The following LRP1B variants were observed in gnomAD, a reference collection of about 807,000 sequenced individuals.
The protein encoded by LRP1B is low-density lipoprotein receptor-related protein 1B.
In LRP1B, 217 loss-of-function variants were observed where a neutral mutation model predicts 556.6. That is an observed-to-expected ratio of 0.39 (90% CI 0.35 to 0.44). The LOEUF (loss-of-function observed/expected upper bound fraction) is 0.44. LRP1B is among the 20% of genes least tolerant of loss of function. The probability of loss-of-function intolerance (pLI) is 1.00; values close to 1 mark genes in which losing one functional copy is unlikely to be tolerated. For synonymous variants in LRP1B, 2,047 were observed against 1,865.8 expected (o/e 1.10, Z -2.50); for missense variants, 5,053 against 5,620.8 (o/e 0.90, Z 3.23).
At position 140,850,095 on chromosome 2, in the gene LRP1B, C is replaced by T; in HGVS notation, c.4939+7G>A. 5 of 1,560,408 alleles carry T rather than the reference C, an allele frequency of 3.2e-6. No individual in the cohort carries two copies. The highest frequency in any genetic ancestry group is 1.1e-5 in the South Asian group (1 of 89,252). On this transcript the variant is annotated splice_region_variant and intron_variant, in intron 29 of 90. Transcript: ENST00000389484. ...TTTTAAAGTTGTAACATGTACGAATCTTTTACCTCTTGAAATAACAGTTTC... is the reference window on the plus strand; with the variant it reads ...TTTTAAAGTTGTAACATGTACGAATTTTTTACCTCTTGAAATAACAGTTTC...
At chr2:140,324,268 TTAAAACA>T (rs1680329401) in intron 80 of LRP1B, among the ~76,000 whole-genome samples, 2 of 152,064 alleles carry the variant, frequency 1.3e-5, no homozygotes, top group African/African-American at 4.8e-5. Flanking sequence ...AACATGTTAC[TTAAAACA>T]TAAAAATACA....
At chr2:140,718,385 ACT>A (rs1345802422) in intron 35 of LRP1B, among the ~76,000 whole-genome samples, 1 of 151,864 alleles carries the variant, frequency 6.6e-6, no homozygotes, top group East Asian at 1.9e-4. Context: ...TTTTTTGTTC[ACT>A]TTTTTCTTCT....
At chr2:140,304,786 TA>T (rs1683993746) in intron 83 of LRP1B, among the ~76,000 whole-genome samples, 1 of 152,180 alleles carries the variant, frequency 6.6e-6, no homozygotes, top group African/African-American at 2.4e-5. Context: ...TTTATGGTTT[TA>T]GGTCTAACGT....
At chr2:140,974,957 C>T (rs112481156) in intron 18 of LRP1B, among the ~76,000 whole-genome samples, 6 of 152,256 alleles carry the variant, frequency 3.9e-5, no homozygotes, top group South Asian at 2.1e-4. Context: ...AGTGTTCTGG[C>T]CCTTTTACCT....
intron 3 of LRP1B, among the ~76,000 whole-genome samples, chr2:141,440,012 C>T (rs568678873): frequency 1.3e-5 from 2 of 152,294 alleles, no homozygotes; most frequent in East Asian, 1.9e-4. Context: ...TCATGCTAGG[C>T]ACGCACTATT....
chr2:140,927,876 A>ATTTATT (rs570731816), intron 20 of LRP1B, among the ~76,000 whole-genome samples: 2,177 of 151,182 alleles, frequency 0.014, 49 homozygotes, highest in African/African-American at 0.05. Context: ...CCGGCTATTC[A>ATTTATT]TTTATTTTTA....
At chr2:140,748,093 AT>A (rs1264434242) in intron 35 of LRP1B, among the ~76,000 whole-genome samples, 11 of 3,950 alleles carry the variant, frequency 2.8e-3, no homozygotes, top group African/African-American at 0.013. Context: ...AGTCCTATGA[AT>A]ATATATATAT....
In LRP1B at chr2:141,712,419, T is replaced by C. The variant is rs1230982993; in HGVS notation, c.205+97860A>G. ...AAGCCACAGACCTAGTTATTAATTA[T>C]ATAATGTATGATTATTCCAAGTATA... is the stretch of plus-strand genomic sequence containing the variant. On this transcript the variant is annotated intron_variant, in intron 2 of 90. Coordinates refer to ENST00000389484, the MANE Select transcript of LRP1B (RefSeq NM_018557.3). Among the ~76,000 whole-genome samples the C allele has an allele frequency of 2.6e-5, 4 of 152,128 alleles. No individual in the cohort carries two copies. The East Asian group carries it at 7.7e-4, about 29-fold the overall frequency.
intron 43 of LRP1B, among the ~76,000 whole-genome samples, chr2:140,562,833 C>G (rs1299930299): frequency 6.6e-6 from 1 of 152,056 alleles, no homozygotes; most frequent in Non-Finnish European, 1.5e-5. Flanking sequence ...CCAGGCTGGT[C>G]TCCAACTCCT....
chr2:141,110,524 T>G (rs1359839698), intron 7 of LRP1B, among the ~76,000 whole-genome samples: 1 of 152,048 alleles, frequency 6.6e-6, no homozygotes, highest in African/African-American at 2.4e-5. Flanking sequence ...TATATCTAAT[T>G]TAATAGGGAA....
At chr2:141,212,633 C>A (rs1005504270) in intron 6 of LRP1B, among the ~76,000 whole-genome samples, 2 of 151,686 alleles carry the variant, frequency 1.3e-5, no homozygotes, top group African/African-American at 4.8e-5. Context: ...CAGAAATAAC[C>A]CACTTTTGCT....
At chr2:140,642,094 T>C (rs146110833) in intron 41 of LRP1B, among the ~76,000 whole-genome samples, 1 of 152,266 alleles carries the variant, frequency 6.6e-6, no homozygotes, top group East Asian at 1.9e-4. Context: ...CTGGGGCTGG[T>C]GATAAGGGCT....
chr2:141,447,152 T>C (rs1349033644), intron 3 of LRP1B, among the ~76,000 whole-genome samples: 1 of 151,944 alleles, frequency 6.6e-6, no homozygotes, highest in Non-Finnish European at 1.5e-5. Flanking sequence ...ACACTTTATT[T>C]CATTAAGTTG....
intron 6 of LRP1B, among the ~76,000 whole-genome samples, chr2:141,192,226 C>T (rs1185877174): frequency 1.3e-5 from 2 of 151,834 alleles, no homozygotes; most frequent in African/African-American, 4.8e-5. Flanking sequence ...TACATAAATG[C>T]ATTAGATGGA....
intron 41 of LRP1B, among the ~76,000 whole-genome samples, chr2:140,653,886 G>A (rs2105325875): frequency 6.6e-6 from 1 of 151,702 alleles, no homozygotes; most frequent in South Asian, 2.1e-4. Flanking sequence ...TCAGCTGAAG[G>A]TGGTGGTGGG....
At position 141,269,582 on chromosome 2, in the gene LRP1B, G is replaced by A. The variant is rs149979108; in HGVS notation, c.344-14941C>T. On this transcript the variant is annotated intron_variant, in intron 3 of 90. Transcript: ENST00000389484. ...TTATACCCTCTAAGGGGTACATCAG[G>A]GACTGCATACTATGGGGAAATAGAT... Among the ~76,000 whole-genome samples the A allele has an allele frequency of 2.1e-3, 325 of 152,054 alleles. 1 individual carries two copies. Among genetic ancestry groups the A allele is most frequent in the African/African-American group, 7.2e-3 (300 of 41,470 alleles).
intron 2 of LRP1B, among the ~76,000 whole-genome samples, chr2:141,672,772 C>A (rs902411381): frequency 2.0e-5 from 3 of 152,154 alleles, no homozygotes; most frequent in African/African-American, 7.2e-5. Context: ...CTATGATGCA[C>A]TGTAAAAAAT....
chr2:141,420,385 C>T (rs1680093460), intron 3 of LRP1B, among the ~76,000 whole-genome samples: 1 of 152,212 alleles, frequency 6.6e-6, no homozygotes, highest in African/African-American at 2.4e-5. Context: ...AAGACCTTCA[C>T]CGTCAGCCCA....
chr2:140,315,384 C>T (rs572409941), intron 82 of LRP1B, among the ~76,000 whole-genome samples: 2 of 152,016 alleles, frequency 1.3e-5, no homozygotes, highest in South Asian at 4.1e-4. Flanking sequence ...CTAACTGAAA[C>T]TTTCTAAAAG....
Sources: allele counts gnomAD v4.1 joint callset (sites outside exome capture counted in the v4.1 genomes callset), GRCh38; gene constraint gnomAD v4.1.1; transcripts MANE v1.5; gene names NCBI Gene and HGNC (gene_info 2026-07-23, HGNC 2026-07-21).